Variants in CCDC62 observed in about 807,000 individuals in gnomAD.
CCDC62 encodes the protein coiled-coil domain containing 62.
A neutral mutation model predicts 80.8 loss-of-function variants in CCDC62; 72 were observed. The ratio of observed to expected loss-of-function variants is 0.89; its 90% CI spans 0.74 to 1.08. The LOEUF is 1.08. CCDC62 is among the 50% of genes least tolerant of loss of function. The probability of loss-of-function intolerance (pLI) is 0.00; values close to 1 mark genes in which losing one functional copy is unlikely to be tolerated. For missense variants in CCDC62, 704 were observed against 809.4 expected (o/e 0.87, Z 1.58); for synonymous variants, 286 against 296.5 (o/e 0.96, Z 0.36).
At chr12:122,812,777 G>GAAAGAAAGAAAGAAAGAA (rs1555257980) in intron 10 of CCDC62, among the ~76,000 whole-genome samples, 98 of 57,722 alleles carry the variant, frequency 1.7e-3, no homozygotes, top group Middle Eastern at 8.8e-3. Context: ...GAGAGAGAGA[G>GAAAGAAAGAAAGAAAGAA]AGAAAGAAAG....
At chr12:122,814,879 A>G (rs970741203) in intron 11 of CCDC62, among the ~76,000 whole-genome samples, 1 of 150,964 alleles carries the variant, frequency 6.6e-6, no homozygotes, top group Non-Finnish European at 1.5e-5. Flanking sequence ...GGAGTGCAGT[A>G]GCTATTCGCA....
At chr12:122,795,462 C>T (rs902182303) in intron 6 of CCDC62, among the ~76,000 whole-genome samples, 8 of 151,474 alleles carry the variant, frequency 5.3e-5, no homozygotes, top group East Asian at 1.9e-4. Flanking sequence ...GTCTCGCTGT[C>T]GCCCAGGCTG....
At chr12:122,798,440 TA>T (rs1208668632) in intron 8 of CCDC62, among the ~76,000 whole-genome samples, 1 of 151,830 alleles carries the variant, frequency 6.6e-6, no homozygotes, top group Non-Finnish European at 1.5e-5. Flanking sequence ...CCATCTCTAC[TA>T]AAAATACAAA....
chr12:122,794,462 C>A (rs2030813672), intron 6 of CCDC62, among the ~76,000 whole-genome samples: 1 of 152,038 alleles, frequency 6.6e-6, no homozygotes, highest in South Asian at 2.1e-4. Flanking sequence ...CCCAAAGCCC[C>A]AAAGCGTTGG....
chr12:122,826,443 C>T lies in CCDC62; in HGVS notation c.*62C>T. 1 of 780,222 alleles carries T rather than the reference C, an allele frequency of 1.3e-6. No homozygotes were observed. The allele number at this position is 780,222 out of a possible 1,614,324, so 48.3% of individuals were successfully genotyped here. ...GCAGATTTCTCATCTATGTGGAAGG[C>T]AGAAAGCAGACACCAATACTGAATG... On this transcript the variant is annotated 3_prime_UTR_variant, in exon 13 of 13. Coordinates refer to ENST00000253079, the MANE Select transcript of CCDC62 (RefSeq NM_201435.5).
At chr12:122,783,296 C>T (rs1329624452) in intron 3 of CCDC62, among the ~76,000 whole-genome samples, 1 of 150,042 alleles carries the variant, frequency 6.7e-6, no homozygotes, top group African/African-American at 2.4e-5. Flanking sequence ...GGTGCCACCT[C>T]GGCTCACTGC....
intron 4 of CCDC62, 43 bp from the exon 5 acceptor site, chr12:122,788,715 A>C (rs753481283): frequency 4.1e-5 from 51 of 1,238,126 alleles, no homozygotes; most frequent in Non-Finnish European, 5.1e-5. Flanking sequence ...GGTTAATTGG[A>C]ATTTAAGAAT....
intron 11 of CCDC62, among the ~76,000 whole-genome samples, chr12:122,820,675 C>G (rs915580850): frequency 4.6e-5 from 7 of 152,036 alleles, no homozygotes; most frequent in Admixed American, 4.6e-4. Flanking sequence ...AAAACCCCCT[C>G]TCTACTAAAA....
chr12:122,783,783 TAG>T (rs1394086054), intron 3 of CCDC62, among the ~76,000 whole-genome samples: 1 of 152,190 alleles, frequency 6.6e-6, no homozygotes, highest in Admixed American at 6.5e-5. Flanking sequence ...GAGCAGAAAG[TAG>T]AGAGAGTTCT....
intron 6 of CCDC62, among the ~76,000 whole-genome samples, chr12:122,796,461 C>T (rs1254908998): frequency 1.3e-5 from 2 of 152,104 alleles, no homozygotes; most frequent in African/African-American, 4.8e-5. Flanking sequence ...TATAACAAAA[C>T]AGGTTTATTT....
At chr12:122,796,633 A>G (rs1366226197) in intron 6 of CCDC62, among the ~76,000 whole-genome samples, 4 of 152,018 alleles carry the variant, frequency 2.6e-5, no homozygotes, top group Non-Finnish European at 5.9e-5. Flanking sequence ...TGAGGCGGGT[A>G]GATCACATGA....
chr12:122,791,945 A>T (rs1316413732), intron 5 of CCDC62, 75 bp from the exon 6 acceptor site: 3 of 948,574 alleles, frequency 3.2e-6, no homozygotes, highest in Non-Finnish European at 3.4e-6. Context: ...AGGATGTGAG[A>T]GTTAGGCATA....
At position 122,777,592 on chromosome 12, in the gene CCDC62, C is replaced by T; in HGVS notation, c.138C>T (p.Asp46=). 6.2e-7 allele frequency: 1 copy of T among 1,614,112 alleles called. No individual in the cohort carries two copies. Among genetic ancestry groups the T allele is most frequent in the South Asian group, 1.1e-5 (1 of 91,084 alleles). ...AAGATCGAGATAAAGAGCTCAATGA[C>T]ATGGTTGCAGTGCACCAGCAACAGC... ...ELKDRDKELN[D]MVAVHQQQLL... Residue 46 remains aspartate (D), a synonymous_variant, in exon 2 of 13, where the codon GAC becomes GAT. Transcript: ENST00000253079.
At chr12:122,791,359 G>A (rs1174060778) in intron 5 of CCDC62, among the ~76,000 whole-genome samples, 3 of 151,702 alleles carry the variant, frequency 2.0e-5, no homozygotes, top group Non-Finnish European at 4.4e-5. Flanking sequence ...GGCTGGTTTC[G>A]AACTCCTGAC....
intron 10 of CCDC62, among the ~76,000 whole-genome samples, chr12:122,810,578 TA>T (rs1365033615): frequency 7.4e-6 from 1 of 135,402 alleles, no homozygotes; most frequent in African/African-American, 2.6e-5. Context: ...GGTGGGACTG[TA>T]AACCAGTTCA....
intron 3 of CCDC62, among the ~76,000 whole-genome samples, chr12:122,784,909 C>G (rs966286489): frequency 6.6e-6 from 1 of 152,040 alleles, no homozygotes; most frequent in Non-Finnish European, 1.5e-5. Context: ...GAGGTCAAGG[C>G]GGGCAGATCA....
At chr12:122,798,294 A>G (rs898651445) in intron 8 of CCDC62, 94 bp downstream of exon 8, 31 of 695,644 alleles carry the variant, frequency 4.5e-5, no homozygotes, top group East Asian at 4.0e-4. Flanking sequence ...ACTGACTACT[A>G]TTCCCCATAT....
At chr12:122,817,218 A>ATTTTTTTTTTTTTTTTTTTTTTTTTTTTT (rs71085859) in intron 11 of CCDC62, among the ~76,000 whole-genome samples, 1 of 134,282 alleles carries the variant, frequency 7.4e-6, no homozygotes. Flanking sequence ...CGCCTAGCTA[A>ATTTTTTTTTTTTTTTTTTTTTTTTTTTTT]TTTTTTTTTT....
chr12:122,823,305 GTCT>G (rs1357798466), intron 11 of CCDC62, 58 bp from the exon 12 acceptor site: 12 of 1,238,234 alleles, frequency 9.7e-6, no homozygotes, highest in South Asian at 2.4e-5. Flanking sequence ...TTTGTGTTTA[GTCT>G]TCTTAAGAAT....
Sources: allele counts gnomAD v4.1 joint callset (sites outside exome capture counted in the v4.1 genomes callset), GRCh38; gene constraint gnomAD v4.1.1; transcripts MANE v1.5; gene names NCBI Gene and HGNC (gene_info 2026-07-23, HGNC 2026-07-21).